TMEM117: variants seen among roughly 807,000 people sequenced by gnomAD.
TMEM117 encodes transmembrane protein 117.
Under a neutral mutation model 52.4 loss-of-function variants are expected in TMEM117, and 27 were observed. That is an observed-to-expected ratio of 0.51 (90% CI 0.38 to 0.71). The LOEUF (loss-of-function observed/expected upper bound fraction) is 0.71. TMEM117 is among the 30% of genes least tolerant of loss of function. TMEM117 has a pLI of 0.00. For missense variants in TMEM117, 556 were observed against 630.5 expected, an observed-to-expected ratio of 0.88 and a Z score of 1.26; for synonymous variants, 215 against 206.3, an observed-to-expected ratio of 1.04 and a Z score of -0.36.
intron 2 of TMEM117, among the ~76,000 whole-genome samples, chr12:43,879,558 GCCT>G (rs532561967): frequency 9.5e-4 from 145 of 152,262 alleles, no homozygotes; most frequent in African/African-American, 3.2e-3. Context: ...TACAAGTTGT[GCCT>G]CCTCCTAATT....
chr12:43,912,008 A>G (rs1401660780), intron 2 of TMEM117, among the ~76,000 whole-genome samples: 4 of 91,906 alleles, frequency 4.4e-5, no homozygotes, highest in Admixed American at 4.0e-4. Flanking sequence ...TACATACCCA[A>G]AGGACTATAA....
chr12:44,239,419 G>A (rs929178324), intron 5 of TMEM117, among the ~76,000 whole-genome samples: 43 of 152,126 alleles, frequency 2.8e-4, no homozygotes, highest in Non-Finnish European at 3.7e-4. Context: ...CAAATACACT[G>A]AAATTAAGAT....
chr12:44,344,351 G>C (rs1251363444), intron 6 of TMEM117, among the ~76,000 whole-genome samples: 2 of 152,102 alleles, frequency 1.3e-5, no homozygotes, highest in Non-Finnish European at 2.9e-5. Flanking sequence ...CAGTTACACT[G>C]CTTCCCATGC....
At chr12:43,920,297 G>A (rs539543891) in intron 2 of TMEM117, among the ~76,000 whole-genome samples, 31 of 152,186 alleles carry the variant, frequency 2.0e-4, no homozygotes, top group Middle Eastern at 3.4e-3. Context: ...ATGCCGAGGC[G>A]GGCGGATCAC....
At chr12:43,998,640 A>C (rs1356401864) in intron 3 of TMEM117, among the ~76,000 whole-genome samples, 1 of 152,192 alleles carries the variant, frequency 6.6e-6, no homozygotes, top group African/African-American at 2.4e-5. Flanking sequence ...ATAGGAAATT[A>C]TTTTCATGAT....
intron 5 of TMEM117, among the ~76,000 whole-genome samples, chr12:44,217,316 T>G (rs10880628): frequency 0.27 from 40,857 of 151,990 alleles, 9,959 homozygotes; most frequent in African/African-American, 0.65. Context: ...AGAGTGCAGG[T>G]GAGGGTTCAT....
chr12:44,319,384 C>A (rs1339760171), intron 6 of TMEM117, among the ~76,000 whole-genome samples: 1 of 152,118 alleles, frequency 6.6e-6, no homozygotes, highest in Non-Finnish European at 1.5e-5. Flanking sequence ...TTGCATGGAT[C>A]CCCATTGGAA....
At chr12:43,853,756 T>A (rs570507212) in intron 2 of TMEM117, among the ~76,000 whole-genome samples, 2 of 152,290 alleles carry the variant, frequency 1.3e-5, no homozygotes, top group Admixed American at 6.5e-5. Context: ...AAATGAATAG[T>A]ATGGACTGTG....
chr12:44,123,243 G>A (rs980556366), intron 3 of TMEM117, among the ~76,000 whole-genome samples: 2 of 144,862 alleles, frequency 1.4e-5, no homozygotes, highest in African/African-American at 5.7e-5. Flanking sequence ...TTTTTAATGG[G>A]GTTTTTTTTT....
At chr12:44,367,026 GC>G (rs937240009) in intron 6 of TMEM117, among the ~76,000 whole-genome samples, 1 of 152,134 alleles carries the variant, frequency 6.6e-6, no homozygotes, top group African/African-American at 2.4e-5. Flanking sequence ...TTTAACATTT[GC>G]CCTTGCAAAA....
chr12:44,095,342 T>G (rs1246495212), intron 3 of TMEM117, among the ~76,000 whole-genome samples: 1 of 152,098 alleles, frequency 6.6e-6, no homozygotes, highest in Non-Finnish European at 1.5e-5. Context: ...GGCAAAAACT[T>G]TGAGAAAAAT....
intron 2 of TMEM117, among the ~76,000 whole-genome samples, chr12:43,845,546 A>T (rs868297426): frequency 3.3e-5 from 5 of 151,788 alleles, no homozygotes; most frequent in African/African-American, 7.3e-5. Context: ...TTATTTTTAA[A>T]ATTTTTTTTA....
intron 2 of TMEM117, among the ~76,000 whole-genome samples, chr12:43,877,438 A>G (rs1212469657): frequency 6.6e-6 from 1 of 152,074 alleles, no homozygotes; most frequent in Non-Finnish European, 1.5e-5. Context: ...GTTCGAGACC[A>G]GCCTGGCCAA....
At chr12:44,352,621 G>A (rs190188313) in intron 6 of TMEM117, among the ~76,000 whole-genome samples, 4,232 of 152,144 alleles carry the variant, frequency 0.028, 96 homozygotes, top group African/African-American at 0.055. Context: ...CAAAGGACAT[G>A]AACTCATCAT....
chr12:44,225,691 C>T (rs559442760), intron 5 of TMEM117, among the ~76,000 whole-genome samples: 32 of 152,256 alleles, frequency 2.1e-4, no homozygotes, highest in Non-Finnish European at 3.8e-4. Context: ...CTGCAGGTCT[C>T]TGAGGTTAAT....
intron 3 of TMEM117, among the ~76,000 whole-genome samples, chr12:44,040,732 T>C (rs1348465400): frequency 6.6e-6 from 1 of 152,212 alleles, no homozygotes; most frequent in African/African-American, 2.4e-5. Context: ...AAATGAGTGC[T>C]TTAAGATTTT....
chr12:44,227,283 G>A (rs1231087134), intron 5 of TMEM117, among the ~76,000 whole-genome samples: 1 of 152,074 alleles, frequency 6.6e-6, no homozygotes, highest in Admixed American at 6.6e-5. Context: ...GACCAGCCTG[G>A]ACAACATGGC....
At chr12:43,819,772 CA>C in the TMEM117 span, among the ~76,000 whole-genome samples, 26 of 141,998 alleles carry the variant, frequency 1.8e-4, no homozygotes, top group East Asian at 3.9e-3. Context: ...GAGACTCTGT[CA>C]AAAAAAAAGA....
At chr12:44,355,312 G>C (rs1270540949) in intron 6 of TMEM117, among the ~76,000 whole-genome samples, 1 of 152,044 alleles carries the variant, frequency 6.6e-6, no homozygotes. Context: ...ATAAATGTCT[G>C]AGAGATAGCA....
Sources: allele counts gnomAD v4.1 joint callset (sites outside exome capture counted in the v4.1 genomes callset), GRCh38; gene constraint gnomAD v4.1.1; transcripts MANE v1.5; gene names NCBI Gene and HGNC (gene_info 2026-07-23, HGNC 2026-07-21).